Variants in C1QTNF3 observed in about 807,000 individuals in gnomAD.
C1QTNF3 encodes complement C1q tumor necrosis factor-related protein 3.
C1QTNF3 carries 26 observed loss-of-function variants against 32.6 expected under a neutral mutation model. That is an observed-to-expected ratio of 0.80 (90% confidence interval 0.58 to 1.11). C1QTNF3 has a LOEUF of 1.11. Ranked by LOEUF, C1QTNF3 falls within the 50% of genes least tolerant of loss-of-function variation. The pLI is 0.00. For missense variants in C1QTNF3, 362 were observed against 398.2 expected, an observed-to-expected ratio of 0.91 and a Z score of 0.77; for synonymous variants, 155 against 146.0, an observed-to-expected ratio of 1.06 and a Z score of -0.44.
the C1QTNF3 span, among the ~76,000 whole-genome samples, chr5:34,108,052 AAGAG>A: frequency 5.3e-5 from 8 of 152,248 alleles, no homozygotes; most frequent in African/African-American, 1.9e-4. Flanking sequence ...GAAAGAAAGA[AAGAG>A]AGAGGAGTTT....
upstream of C1QTNF3, among the ~76,000 whole-genome samples, chr5:34,047,378 A>T (rs1755004965): frequency 2.6e-5 from 4 of 152,246 alleles, no homozygotes; most frequent in African/African-American, 9.6e-5. Context: ...GTTTAGCTTT[A>T]CAAAGGAGGC....
chr5:34,184,606 C>G, the C1QTNF3 span, among the ~76,000 whole-genome samples: 1 of 152,354 alleles, frequency 6.6e-6, no homozygotes, highest in African/African-American at 2.4e-5. Flanking sequence ...CCCAGCTACT[C>G]AGGATGCTGA....
chr5:34,220,276 C>T, the C1QTNF3 span, among the ~76,000 whole-genome samples: 2 of 151,974 alleles, frequency 1.3e-5, no homozygotes, highest in Non-Finnish European at 2.9e-5. Flanking sequence ...GTTAATTCCA[C>T]ATAAATAATT....
chr5:34,207,258 G>C, the C1QTNF3 span, among the ~76,000 whole-genome samples: 1 of 144,570 alleles, frequency 6.9e-6, no homozygotes, highest in Non-Finnish European at 1.5e-5. Context: ...TGAAATGTGT[G>C]ATGTGGTCAA....
chr5:34,060,054 T>G, the C1QTNF3 span, among the ~76,000 whole-genome samples: 1 of 152,220 alleles, frequency 6.6e-6, no homozygotes, highest in Non-Finnish European at 1.5e-5. Flanking sequence ...TATAGCCTTC[T>G]AAAGACACAA....
chr5:34,117,180 C>A, the C1QTNF3 span, among the ~76,000 whole-genome samples: 4 of 151,996 alleles, frequency 2.6e-5, no homozygotes, highest in African/African-American at 9.7e-5. Flanking sequence ...TGTGTCTTTG[C>A]ACTTCTGTTT....
the C1QTNF3 span, among the ~76,000 whole-genome samples, chr5:34,065,272 C>G: frequency 1.3e-5 from 2 of 152,184 alleles, no homozygotes; most frequent in South Asian, 2.1e-4. Flanking sequence ...ATACAAGCAG[C>G]CAACAAACAT....
chr5:34,118,200 C>T, the C1QTNF3 span, among the ~76,000 whole-genome samples: 4 of 152,084 alleles, frequency 2.6e-5, no homozygotes, highest in South Asian at 2.1e-4. Flanking sequence ...TTGCCTCATC[C>T]GCTCGAGTAG....
At chr5:34,105,008 A>T in the C1QTNF3 span, among the ~76,000 whole-genome samples, 1 of 151,754 alleles carries the variant, frequency 6.6e-6, no homozygotes, top group Admixed American at 6.6e-5. Context: ...TTTACTTGTC[A>T]GAATTACATC....
chr5:34,236,364 C>A, the C1QTNF3 span, among the ~76,000 whole-genome samples: 3 of 148,490 alleles, frequency 2.0e-5, no homozygotes, highest in Admixed American at 2.0e-4. Flanking sequence ...GCACTCCAGC[C>A]TGGGCAACAG....
the C1QTNF3 span, chr5:34,165,633 CT>C: frequency 6.6e-6 from 1 of 151,700 alleles, no homozygotes; most frequent in Non-Finnish European, 1.5e-5. Context: ...ATGAAGAAGT[CT>C]TTTTATATGT....
the C1QTNF3 span, among the ~76,000 whole-genome samples, chr5:34,154,962 C>T: frequency 4.6e-5 from 7 of 152,216 alleles, no homozygotes; most frequent in African/African-American, 1.7e-4. Flanking sequence ...ATAAAAATCC[C>T]GTAAATATGT....
chr5:34,162,723 A>T, the C1QTNF3 span, among the ~76,000 whole-genome samples: 1 of 152,176 alleles, frequency 6.6e-6, no homozygotes, highest in African/African-American at 2.4e-5. Flanking sequence ...TGAGCAGGGT[A>T]AGCTATTCTA....
At chr5:34,208,448 C>G in the C1QTNF3 span, among the ~76,000 whole-genome samples, 1 of 151,546 alleles carries the variant, frequency 6.6e-6, no homozygotes, top group Non-Finnish European at 1.5e-5. Context: ...AGCAACATCC[C>G]TAGCCTCGAC....
chr5:34,045,916 T>C (rs1442804734), upstream of C1QTNF3, among the ~76,000 whole-genome samples: 1 of 152,112 alleles, frequency 6.6e-6, no homozygotes, highest in Non-Finnish European at 1.5e-5. Context: ...CCCTAGTACC[T>C]GCAAATATGA....
chr5:34,138,016 AAGAC>A, the C1QTNF3 span, among the ~76,000 whole-genome samples: 1 of 152,226 alleles, frequency 6.6e-6, no homozygotes, highest in African/African-American at 2.4e-5. Flanking sequence ...AAAAGAGATT[AAGAC>A]AGACAGAGAC....
At chr5:34,022,161 T>G (rs1308695792) in intron 5 of C1QTNF3, among the ~76,000 whole-genome samples, 2 of 152,190 alleles carry the variant, frequency 1.3e-5, no homozygotes, top group African/African-American at 4.8e-5. Context: ...CTTAATCTAT[T>G]TAACAAATGA....
the C1QTNF3 span, among the ~76,000 whole-genome samples, chr5:34,232,867 G>A: frequency 1.1e-4 from 16 of 150,862 alleles, no homozygotes; most frequent in African/African-American, 1.5e-4. Flanking sequence ...TTTAATAATC[G>A]GACTGCTTAT....
At chr5:34,183,498 T>C in the C1QTNF3 span, among the ~76,000 whole-genome samples, 919 of 139,312 alleles carry the variant, frequency 6.6e-3, no homozygotes, top group African/African-American at 0.022. Flanking sequence ...GCCCGGCGAA[T>C]TTTTGTATTT....
Sources: allele counts gnomAD v4.1 joint callset (sites outside exome capture counted in the v4.1 genomes callset), GRCh38; gene constraint gnomAD v4.1.1; transcripts MANE v1.5; gene names NCBI Gene and HGNC (gene_info 2026-07-23, HGNC 2026-07-21).